Variants in PARP11 observed in about 807,000 individuals in gnomAD.
The protein encoded by PARP11 is protein mono-ADP-ribosyltransferase PARP11.
A neutral mutation model predicts 42.9 loss-of-function variants in PARP11; 31 were observed. The ratio of observed to expected loss-of-function variants is 0.72; its 90% CI spans 0.54 to 0.98. The LOEUF is 0.98. Among genes scored for constraint, PARP11 ranks in the 50% least tolerant of loss-of-function variants. The pLI is 0.00. For missense variants in PARP11, 365 were observed against 413.1 expected (o/e 0.88, Z 1.01); for synonymous variants, 137 against 127.3 (o/e 1.08, Z -0.51).
chr12:3,849,734 G>A (rs1591528789), intron 1 of PARP11, among the ~76,000 whole-genome samples: 1 of 152,102 alleles, frequency 6.6e-6, no homozygotes, highest in African/African-American at 2.4e-5. Flanking sequence ...ACCTAGAAGT[G>A]ATAAGACCTA....
chr12:3,820,878 A>G (rs114340419), intron 6 of PARP11, among the ~76,000 whole-genome samples: 14 of 152,340 alleles, frequency 9.2e-5, no homozygotes, highest in African/African-American at 3.4e-4. Context: ...ACCATAAACT[A>G]TTATGAGAAT....
chr12:3,817,474 G>A (rs1947316195), intron 6 of PARP11, among the ~76,000 whole-genome samples: 1 of 152,134 alleles, frequency 6.6e-6, no homozygotes, highest in Non-Finnish European at 1.5e-5. Context: ...AGGCAGCCAC[G>A]AAATGCGGAC....
chr12:3,861,287 T>C lies in PARP11; in HGVS notation c.18+11925A>G, dbSNP rs1272521840. Among the ~76,000 whole-genome samples the C allele has an allele frequency of 6.6e-6, 1 of 152,202 alleles. No individual in the cohort carries two copies. The highest frequency in any genetic ancestry group is 1.5e-5 in the Non-Finnish European group (1 of 68,036). ...GTTGAAATTCTAACTCCTAATGTGA[T>C]ATGAAAATGGGGCCTTTGGGAGGTG... On this transcript the variant is annotated intron_variant, in intron 1 of 7. Transcript: ENST00000228820. The surrounding 1 kb of genome is among the most constrained non-coding windows in gnomAD (Gnocchi z 4.6).
intron 1 of PARP11, among the ~76,000 whole-genome samples, chr12:3,859,726 T>A (rs2138113367): frequency 6.6e-6 from 1 of 152,194 alleles, no homozygotes; most frequent in South Asian, 2.1e-4. Flanking sequence ...GATTCAAAGA[T>A]ACAAATAGGT....
Position 3,840,718 on chromosome 12 carries a change from C to A in PARP11, c.19-10700G>T. The A allele has an allele frequency of 7.8e-7, 1 of 1,280,232 alleles. No homozygotes were observed. The highest frequency in any genetic ancestry group is 1.1e-6 in the Non-Finnish European group (1 of 875,356). The allele number at this position is 1,280,232 out of a possible 1,614,324, so 79.3% of individuals were successfully genotyped here. ...GAATGGATACAGAAGAACGAAAAGA[C>A]AAAGACTCTATTCATGGACATAGTT... On this transcript the variant is annotated intron_variant, in intron 1 of 7. Coordinates refer to ENST00000228820, the MANE Select transcript of PARP11 (RefSeq NM_020367.6). The surrounding 1 kb of genome is among the most constrained non-coding windows in gnomAD (Gnocchi z 4.4).
chr12:3,873,067 G>C (rs1413439485), intron 1 of PARP11, 145 bp downstream of exon 1: 11 of 813,368 alleles, frequency 1.4e-5, no homozygotes, highest in Non-Finnish European at 2.1e-5. Context: ...ACAGACTACA[G>C]AAGCCAAAAG....
intron 1 of PARP11, chr12:3,841,934 A>C (rs1202711571): frequency 1.2e-6 from 2 of 1,605,244 alleles, no homozygotes; most frequent in Non-Finnish European, 1.7e-6. Flanking sequence ...GAACATGTAC[A>C]TTCTCTCCCT....
At chr12:3,836,346 G>C (rs1265556871) in intron 1 of PARP11, among the ~76,000 whole-genome samples, 1 of 149,376 alleles carries the variant, frequency 6.7e-6, no homozygotes, top group Non-Finnish European at 1.5e-5. Context: ...CAAAAAAAAA[G>C]CGCCTATCAA....
intron 1 of PARP11, among the ~76,000 whole-genome samples, chr12:3,857,736 T>A (rs555437341): frequency 3.3e-5 from 5 of 152,146 alleles, no homozygotes; most frequent in Non-Finnish European, 7.3e-5. Context: ...CTTACTGCAG[T>A]GAAGCTAGAC....
At chr12:3,828,565 T>C (rs886416723) in intron 3 of PARP11, among the ~76,000 whole-genome samples, 8 of 140,738 alleles carry the variant, frequency 5.7e-5, no homozygotes, top group African/African-American at 2.1e-4. Context: ...AAAAAAAAAG[T>C]AAAAATGTTC....
At chr12:3,813,039 A>C (rs1406300803) in intron 7 of PARP11, among the ~76,000 whole-genome samples, 2 of 152,142 alleles carry the variant, frequency 1.3e-5, no homozygotes, top group African/African-American at 4.8e-5. Flanking sequence ...TCTTGACCTC[A>C]GGTGATCCAC....
intron 1 of PARP11, chr12:3,842,474 G>A: frequency 1.2e-6 from 2 of 1,606,710 alleles, no homozygotes; most frequent in South Asian, 1.1e-5. Context: ...GGAGATAGGA[G>A]GAGATCAGGG....
At chr12:3,867,391 G>A (rs1178034154) in intron 1 of PARP11, among the ~76,000 whole-genome samples, 2 of 152,146 alleles carry the variant, frequency 1.3e-5, no homozygotes, top group African/African-American at 4.8e-5. Flanking sequence ...AAAAGGTGCT[G>A]ACAAGTTTCT....
chr12:3,842,425 T>G, intron 1 of PARP11: 1 of 1,607,878 alleles, frequency 6.2e-7, no homozygotes, highest in Non-Finnish European at 8.5e-7. Context: ...GGATGAAGGT[T>G]ATCAGTACCA....
chr12:3,834,980 T>C (rs1270895864), intron 1 of PARP11, among the ~76,000 whole-genome samples: 1 of 152,172 alleles, frequency 6.6e-6, no homozygotes, highest in East Asian at 1.9e-4. Context: ...GAAGCTACTC[T>C]GACCCAGGGG....
intron 1 of PARP11, among the ~76,000 whole-genome samples, chr12:3,866,155 T>C (rs984766648): frequency 6.6e-6 from 1 of 152,116 alleles, no homozygotes; most frequent in Non-Finnish European, 1.5e-5. Context: ...CTAATGAGCT[T>C]CACATTACTA....
chr12:3,850,906 A>C (rs1591529905), intron 1 of PARP11, among the ~76,000 whole-genome samples: 1 of 152,360 alleles, frequency 6.6e-6, no homozygotes, highest in East Asian at 1.9e-4. Context: ...TCTATGTTGA[A>C]AGTAATGAAC....
intron 1 of PARP11, among the ~76,000 whole-genome samples, chr12:3,851,655 C>T (rs976255227): frequency 6.6e-6 from 1 of 152,176 alleles, no homozygotes; most frequent in African/African-American, 2.4e-5. Context: ...GCCTGCCTAC[C>T]TCTGTAGACT....
rs35531745 is a variant in PARP11, at chr12:3,814,182, CT to C, written c.554del (p.Lys185ArgfsTer39). On this transcript the variant is annotated frameshift_variant, in exon 7 of 8. Coordinates refer to ENST00000228820, the MANE Select transcript of PARP11 (RefSeq NM_020367.6). LOFTEE classifies it high-confidence loss of function. ...LDLWEFFCRK[K>X]AQLKKKRGVP... ...CACCTCTTTTTTTCTTGAGCTGAGC[CT>C]TTTTCCTAAAAACACAATATACACA... is the stretch of plus-strand genomic sequence containing the variant. The C allele has an allele frequency of 1.0e-5, 16 of 1,598,488 alleles. No homozygotes were observed. Among genetic ancestry groups the C allele is most frequent in the South Asian group, 3.4e-5 (3 of 88,938 alleles).
Sources: allele counts gnomAD v4.1 joint callset (sites outside exome capture counted in the v4.1 genomes callset), GRCh38; gene constraint gnomAD v4.1.1; non-coding constraint Gnocchi (gnomAD v3.1); transcripts MANE v1.5; gene names NCBI Gene and HGNC (gene_info 2026-07-23, HGNC 2026-07-21).